CYRIA: variants seen among roughly 807,000 people sequenced by gnomAD.
The protein encoded by CYRIA is CYFIP-related Rac1 interactor A.
A neutral mutation model predicts 43.9 loss-of-function variants in CYRIA; 15 were observed. The ratio of observed to expected loss-of-function variants is 0.34; its 90% CI spans 0.23 to 0.53. The LOEUF (loss-of-function observed/expected upper bound fraction) is 0.53. Among genes scored for constraint, CYRIA ranks in the 20% least tolerant of loss-of-function variants. The pLI is 0.94. For missense variants in CYRIA, 236 were observed against 394.2 expected (o/e 0.60, Z 3.40); for synonymous variants, 117 against 136.0 (o/e 0.86, Z 0.97).
At chr2:16,610,121 TA>T (rs1359039516) in intron 2 of CYRIA, among the ~76,000 whole-genome samples, 1 of 152,240 alleles carries the variant, frequency 6.6e-6, no homozygotes, top group African/African-American at 2.4e-5. Context: ...ACTGTGCATA[TA>T]TTCTGTGCTA....
At position 16,570,888 on chromosome 2, in the gene CYRIA, T is replaced by G. The variant is rs111847996; in HGVS notation, c.71-5121A>C. 6.8e-3 allele frequency among the ~76,000 whole-genome samples: 1,042 copies of G among 152,298 alleles called. 14 individuals are homozygous for G. The highest frequency in any genetic ancestry group is 0.024 in the African/African-American group (989 of 41,558). ...AACCATATTCTAAGCTTCTAACCAT[T>G]GCCAATTATTTCACGGAAATTGAGG... On this transcript the variant is annotated intron_variant, in intron 3 of 11. Transcript: ENST00000381323.
Position 16,641,073 on chromosome 2 carries a change from T to G in CYRIA, c.-166-17054A>C, listed in dbSNP as rs796134291. ...ACAGTGCCTCACATCCGCCCCCTCCTCTGCTCCCACTTCTGTTGCCCTAAT... is the reference window on the plus strand; with the variant it reads ...ACAGTGCCTCACATCCGCCCCCTCCGCTGCTCCCACTTCTGTTGCCCTAAT... On this transcript the variant is annotated intron_variant, in intron 1 of 11. Transcript: ENST00000381323. 2.4e-4 allele frequency among the ~76,000 whole-genome samples: 36 copies of G among 152,242 alleles called. 1 individual carries two copies. Among genetic ancestry groups the G allele is most frequent in the African/African-American group, 8.7e-4 (36 of 41,552 alleles).
intron 3 of CYRIA, among the ~76,000 whole-genome samples, chr2:16,574,659 C>T (rs1394713957): frequency 6.6e-6 from 1 of 152,186 alleles, no homozygotes; most frequent in Non-Finnish European, 1.5e-5. Context: ...CAGGCTGTGG[C>T]TTCAGAGGGT....
chr2:16,647,506 C>T (rs1413133024), intron 1 of CYRIA, among the ~76,000 whole-genome samples: 6 of 152,120 alleles, frequency 3.9e-5, no homozygotes, highest in Non-Finnish European at 1.5e-5. Context: ...TAGACCCAGC[C>T]CAGAGCTTAG....
intron 3 of CYRIA, among the ~76,000 whole-genome samples, chr2:16,581,589 A>G (rs911678232): frequency 2.6e-5 from 4 of 151,402 alleles, no homozygotes; most frequent in Non-Finnish European, 5.9e-5. Flanking sequence ...TTTAATTTTT[A>G]TTTTAGATCC....
At chr2:16,632,353 C>T (rs1454428087) in intron 1 of CYRIA, among the ~76,000 whole-genome samples, 1 of 152,218 alleles carries the variant, frequency 6.6e-6, no homozygotes, top group African/African-American at 2.4e-5. Context: ...CTATAGAATG[C>T]TCCTGTTCAA....
rs546370537 is a variant in CYRIA, at chr2:16,655,761, AT to A, written c.-167+10018del. ...CCAACTGACTATTACATAAAATTGAATGCATTCTTGGTCTTTTTTTTTTAAA... is the reference window on the plus strand; with the variant it reads ...CCAACTGACTATTACATAAAATTGAAGCATTCTTGGTCTTTTTTTTTTAAA... On this transcript the variant is annotated intron_variant, in intron 1 of 11. Transcript: ENST00000381323. 7.2e-5 allele frequency among the ~76,000 whole-genome samples: 11 copies of A among 151,904 alleles called. No individual in the cohort carries two copies. In the South Asian group the frequency reaches 2.3e-3, roughly 32 times the overall value.
At chr2:16,662,959 G>A (rs1420593092) in intron 1 of CYRIA, among the ~76,000 whole-genome samples, 3 of 152,178 alleles carry the variant, frequency 2.0e-5, no homozygotes, top group African/African-American at 7.2e-5. Flanking sequence ...TCCCAAAACT[G>A]TATTTGGTAC....
chr2:16,644,573 C>T lies in CYRIA; in HGVS notation c.-166-20554G>A, dbSNP rs977269302. 5.9e-5 allele frequency among the ~76,000 whole-genome samples: 9 copies of T among 152,316 alleles called. No individual in the cohort carries two copies. In the South Asian group the frequency reaches 1.4e-3, roughly 25 times the overall value. ...CTACTGTTGTCTGTCAAAGCTTCCT[C>T]TAAGCTTGTTTTCTTCCTAGATGTT... On this transcript the variant is annotated intron_variant, in intron 1 of 11. Transcript: ENST00000381323.
intron 9 of CYRIA, among the ~76,000 whole-genome samples, chr2:16,559,792 G>A (rs1472223320): frequency 3.3e-5 from 5 of 152,150 alleles, no homozygotes; most frequent in African/African-American, 1.2e-4. Flanking sequence ...TGAAAATGAA[G>A]TAAATTAAAG....
chr2:16,628,917 T>C (rs1460852863), intron 1 of CYRIA, among the ~76,000 whole-genome samples: 1 of 152,168 alleles, frequency 6.6e-6, no homozygotes, highest in African/African-American at 2.4e-5. Flanking sequence ...AAAGCAGTCA[T>C]GTTATGGTTT....
At chr2:16,554,990 A>G in intron 11 of CYRIA, 79 bp downstream of exon 11, 1 of 1,112,086 alleles carries the variant, frequency 9.0e-7, no homozygotes, top group Non-Finnish European at 1.3e-6. Context: ...GTTTGGTGCT[A>G]TCCACAACAG....
intron 1 of CYRIA, among the ~76,000 whole-genome samples, chr2:16,655,144 C>T (rs1274599535): frequency 6.6e-6 from 1 of 152,200 alleles, no homozygotes; most frequent in Non-Finnish European, 1.5e-5. Context: ...AGCTCACTCG[C>T]TCGCCCCAAG....
intron 3 of CYRIA, among the ~76,000 whole-genome samples, chr2:16,579,960 T>C (rs1436672694): frequency 6.6e-6 from 1 of 152,062 alleles, no homozygotes; most frequent in African/African-American, 2.4e-5. Flanking sequence ...AAGTTTTTTT[T>C]TTTTTGAGAC....
chr2:16,566,121 C>CT (rs1488190412), intron 3 of CYRIA, among the ~76,000 whole-genome samples: 2 of 152,104 alleles, frequency 1.3e-5, no homozygotes, highest in African/African-American at 4.8e-5. Flanking sequence ...ATGTTTTGGT[C>CT]TTTTTATTAT....
intron 1 of CYRIA, among the ~76,000 whole-genome samples, chr2:16,660,369 C>T (rs546892572): frequency 5.3e-4 from 81 of 152,300 alleles, no homozygotes; most frequent in African/African-American, 1.7e-3. Flanking sequence ...CTCTATGCAA[C>T]ATCAGGTGTA....
At chr2:16,648,193 G>A (rs1015465365) in intron 1 of CYRIA, among the ~76,000 whole-genome samples, 1 of 152,072 alleles carries the variant, frequency 6.6e-6, no homozygotes, top group Non-Finnish European at 1.5e-5. Flanking sequence ...CAGCCAGGGG[G>A]GTGGAGTCTC....
chr2:16,642,958 G>A (rs1033095364), intron 1 of CYRIA, among the ~76,000 whole-genome samples: 19 of 150,778 alleles, frequency 1.3e-4, no homozygotes, highest in African/African-American at 4.6e-4. Flanking sequence ...ATACTAGAAG[G>A]CAATAAATAT....
intron 1 of CYRIA, among the ~76,000 whole-genome samples, chr2:16,637,103 A>C (rs1425395947): frequency 6.6e-6 from 1 of 151,974 alleles, no homozygotes; most frequent in East Asian, 1.9e-4. Flanking sequence ...ATCCCAGCAC[A>C]GTGGATCTTG....
Sources: gnomAD v4.1 joint callset for allele counts (sites outside exome capture counted in the v4.1 genomes callset) on GRCh38, gnomAD v4.1.1 for gene constraint, MANE v1.5 for transcripts, NCBI Gene and HGNC (gene_info 2026-07-23, HGNC 2026-07-21) for gene names.